The following IRAK1BP1 variants were observed in gnomAD, a reference collection of about 807,000 sequenced individuals.
IRAK1BP1 encodes the protein interleukin 1 receptor associated kinase 1 binding protein 1.
Under a neutral mutation model 28.0 loss-of-function variants are expected in IRAK1BP1, and 24 were observed. That is an observed-to-expected ratio of 0.86 (90% CI 0.62 to 1.20). IRAK1BP1 has a LOEUF of 1.20. Among genes scored for constraint, IRAK1BP1 ranks in the 50% most tolerant of loss-of-function variants. IRAK1BP1 has a pLI of 0.00. For synonymous variants in IRAK1BP1, 131 were observed against 116.3 expected (o/e 1.13, Z -0.81); for missense variants, 336 against 316.7 (o/e 1.06, Z -0.46).
At chr6:78,889,760 T>G (rs1289970301) in intron 2 of IRAK1BP1, among the ~76,000 whole-genome samples, 2 of 151,976 alleles carry the variant, frequency 1.3e-5, no homozygotes, top group African/African-American at 4.8e-5. Flanking sequence ...CTTTAAAAAG[T>G]CAGGAAACAA....
downstream of IRAK1BP1, among the ~76,000 whole-genome samples, chr6:78,903,524 C>T (rs1052095286): frequency 6.6e-6 from 1 of 152,068 alleles, no homozygotes; most frequent in South Asian, 2.1e-4. Flanking sequence ...GTTTTATATG[C>T]TCAGTATAAT....
Position 78,871,557 on chromosome 6 carries a change from G to A in IRAK1BP1, c.315+3666G>A, listed in dbSNP as rs1340954166. On this transcript the variant is annotated intron_variant, in intron 1 of 3. Coordinates refer to ENST00000369940, the MANE Select transcript of IRAK1BP1 (RefSeq NM_001010844.4). ...ATCAAGGCATATAGTTCTTGCAATG[G>A]ACTAAATGTTTGTTTCCCCCCAAAA... 10 of 982,600 alleles carry A rather than the reference G, an allele frequency of 1.0e-5. No individual in the cohort carries two copies. The Admixed American group carries it at 3.7e-4, about 36-fold the overall frequency. 60.9% of individuals were successfully genotyped at this position (982,600 alleles called of 1,614,324 possible). A position where few individuals can be genotyped will look rare whatever the true frequency, so the allele number is the denominator to read the frequency against.
intron 1 of IRAK1BP1, among the ~76,000 whole-genome samples, chr6:78,873,898 G>A (rs1411242589): frequency 3.3e-5 from 5 of 152,184 alleles, no homozygotes; most frequent in Non-Finnish European, 7.3e-5. Context: ...AAATAGGTAA[G>A]TAGCTGAACT....
chr6:78,963,044 C>A, the IRAK1BP1 span: 7 of 1,474,502 alleles, frequency 4.7e-6, no homozygotes, highest in South Asian at 1.4e-5. Context: ...AGTATTTTTC[C>A]ATTACTTTGT....
chr6:78,867,594 C>T lies in IRAK1BP1; in HGVS notation c.18C>T (p.Thr6=), dbSNP rs746023249. The T allele has an allele frequency of 6.2e-6, 10 of 1,613,858 alleles. No homozygotes were observed. The highest frequency in any genetic ancestry group is 2.2e-5 in the South Asian group (2 of 91,062). Residue 6 remains threonine, a synonymous_variant, in exon 1 of 4, where the codon ACC becomes ACT. Coordinates refer to ENST00000369940, the MANE Select transcript of IRAK1BP1 (RefSeq NM_001010844.4). The part of the protein sequence containing the change: MSLQK[T]PPTRVFVELV... ...CCATCGCTATGTCTCTGCAAAAGAC[C>T]CCTCCGACCCGAGTGTTCGTGGAAC...
At chr6:78,904,647 TATA>T (rs1489105889), downstream of IRAK1BP1, among the ~76,000 whole-genome samples, 1 of 152,162 alleles carries the variant, frequency 6.6e-6, no homozygotes, top group Non-Finnish European at 1.5e-5. Context: ...TCATATATAT[TATA>T]ATTTCATTTA....
At chr6:78,886,629 A>T (rs913027685) in intron 2 of IRAK1BP1, among the ~76,000 whole-genome samples, 1 of 152,178 alleles carries the variant, frequency 6.6e-6, no homozygotes, top group Non-Finnish European at 1.5e-5. Context: ...GAAGCAAGTT[A>T]TCTTAGTTAA....
At chr6:78,892,809 A>C (rs1771711268) in intron 2 of IRAK1BP1, among the ~76,000 whole-genome samples, 1 of 152,190 alleles carries the variant, frequency 6.6e-6, no homozygotes. Flanking sequence ...TTAACAGCAA[A>C]TTAGACCTTA....
rs1582073935 is a variant in IRAK1BP1, at chr6:78,942,120, C to T, written c.*68-3288C>T. Among the ~76,000 whole-genome samples, 3 of 152,272 alleles carry T rather than the reference C, an allele frequency of 2.0e-5. No individual in the cohort carries two copies. In the South Asian group the frequency reaches 6.2e-4, roughly 32 times the overall value. ...TGAGGAAATTCATAGATGGAAACTG[C>T]TTTTAAAGAGAATACATCTTCATAA... On this transcript the variant is annotated intron_variant and NMD_transcript_variant, in intron 4 of 4. Coordinates refer to the IRAK1BP1 transcript ENST00000606868.
At chr6:78,876,134 G>T (rs1488738666) in intron 1 of IRAK1BP1, among the ~76,000 whole-genome samples, 1 of 152,034 alleles carries the variant, frequency 6.6e-6, no homozygotes, top group Non-Finnish European at 1.5e-5. Context: ...TGAACTATGG[G>T]GGCAGTTTCC....
chr6:78,910,877 C>A (rs1276110294), intron 4 of IRAK1BP1, among the ~76,000 whole-genome samples: 2 of 152,236 alleles, frequency 1.3e-5, no homozygotes, highest in African/African-American at 4.8e-5. Flanking sequence ...CGCGCACCAA[C>A]AGCGGAGGGC....
chr6:78,960,128 G>A, the IRAK1BP1 span, among the ~76,000 whole-genome samples: 1 of 152,110 alleles, frequency 6.6e-6, no homozygotes, highest in Non-Finnish European at 1.5e-5. Context: ...AAAATTTGAA[G>A]TATGGTTTCT....
chr6:78,910,072 C>A (rs1046131952), intron 4 of IRAK1BP1, among the ~76,000 whole-genome samples: 6 of 152,068 alleles, frequency 3.9e-5, no homozygotes, highest in Admixed American at 2.0e-4. Context: ...CTAACGATGA[C>A]CCTTCGGAGT....
At chr6:78,960,776 A>T in the IRAK1BP1 span, among the ~76,000 whole-genome samples, 30 of 152,244 alleles carry the variant, frequency 2.0e-4, no homozygotes, top group African/African-American at 6.5e-4. Flanking sequence ...TCTAGTGGGT[A>T]CAGGCACAGG....
chr6:78,913,433 G>A (rs550565343), intron 4 of IRAK1BP1, among the ~76,000 whole-genome samples: 2 of 152,222 alleles, frequency 1.3e-5, no homozygotes, highest in South Asian at 2.1e-4. Flanking sequence ...ATCACTTGAG[G>A]TCAGGAGTTC....
chr6:78,961,290 A>G, the IRAK1BP1 span, among the ~76,000 whole-genome samples: 2 of 151,906 alleles, frequency 1.3e-5, no homozygotes, highest in Non-Finnish European at 2.9e-5. Flanking sequence ...TAATACGAAT[A>G]CAAAATTTTT....
the IRAK1BP1 span, among the ~76,000 whole-genome samples, chr6:78,963,877 C>T: frequency 1.3e-5 from 2 of 152,186 alleles, no homozygotes; most frequent in Admixed American, 6.6e-5. Context: ...AAATACGCCA[C>T]TGTTTGTGTA....
intron 4 of IRAK1BP1, among the ~76,000 whole-genome samples, chr6:78,921,652 G>A (rs569395427): frequency 1.0e-3 from 155 of 152,260 alleles, no homozygotes; most frequent in African/African-American, 3.6e-3. Context: ...ACCCACGAGT[G>A]GCCTAACTGG....
intron 2 of IRAK1BP1, among the ~76,000 whole-genome samples, chr6:78,892,400 T>C (rs1287083469): frequency 6.6e-6 from 1 of 152,200 alleles, no homozygotes; most frequent in African/African-American, 2.4e-5. Context: ...ATTCAGCTTA[T>C]AGTCATAATA....
Sources: gnomAD v4.1 joint callset for allele counts (sites outside exome capture counted in the v4.1 genomes callset) on GRCh38, gnomAD v4.1.1 for gene constraint, MANE v1.5 for transcripts, NCBI Gene and HGNC (gene_info 2026-07-23, HGNC 2026-07-21) for gene names.